Variants in GABRB1 observed in about 807,000 individuals in gnomAD.
GABRB1 encodes gamma-aminobutyric acid receptor subunit beta-1.
A neutral mutation model predicts 51.6 loss-of-function variants in GABRB1; 17 were observed. That is an observed-to-expected ratio of 0.33 (90% confidence interval 0.23 to 0.49). The LOEUF (loss-of-function observed/expected upper bound fraction) is 0.49. GABRB1 is among the 20% of genes least tolerant of loss of function. The pLI, the probability that GABRB1 is intolerant of heterozygous loss-of-function variation, is 0.99. For synonymous variants in GABRB1, 247 were observed against 218.9 expected (o/e 1.13, Z -1.14); for missense variants, 410 against 600.6 (o/e 0.68, Z 3.32).
At chr4:47,311,237 T>TACAACAACA (rs1382390835) in intron 4 of GABRB1, among the ~76,000 whole-genome samples, 65,603 of 142,010 alleles carry the variant, frequency 0.46, 15,931 homozygotes, top group East Asian at 0.82. Flanking sequence ...CTACTAAAAA[T>TACAACAACA]ACAACAACAA....
intron 3 of GABRB1, among the ~76,000 whole-genome samples, chr4:47,059,594 A>G (rs1428227243): frequency 6.6e-6 from 1 of 152,194 alleles, no homozygotes; most frequent in African/African-American, 2.4e-5. Context: ...GTAGTTGTAA[A>G]GATATTTTCT....
chr4:47,418,919 G>A (rs186032606), intron 8 of GABRB1, among the ~76,000 whole-genome samples: 1 of 152,248 alleles, frequency 6.6e-6, no homozygotes, highest in East Asian at 1.9e-4. Flanking sequence ...AATTACTTTA[G>A]ATTTTTCCCT....
chr4:47,088,334 A>G (rs1457180604), intron 3 of GABRB1, among the ~76,000 whole-genome samples: 1 of 152,190 alleles, frequency 6.6e-6, no homozygotes, highest in Non-Finnish European at 1.5e-5. Flanking sequence ...ACTGAGATAC[A>G]AGCATCTGGG....
At chr4:47,374,286 C>T (rs533697142) in intron 5 of GABRB1, among the ~76,000 whole-genome samples, 48 of 152,162 alleles carry the variant, frequency 3.2e-4, no homozygotes, top group African/African-American at 1.1e-3. Context: ...CTACTCAGGA[C>T]GCTGGGGTGC....
intron 4 of GABRB1, among the ~76,000 whole-genome samples, chr4:47,300,248 A>T (rs944569677): frequency 5.3e-5 from 8 of 152,148 alleles, no homozygotes; most frequent in African/African-American, 1.9e-4. Context: ...AATAATAATG[A>T]AATTAAAATT....
intron 3 of GABRB1, among the ~76,000 whole-genome samples, chr4:47,085,891 A>G (rs1728035520): frequency 6.6e-6 from 1 of 152,224 alleles, no homozygotes; most frequent in African/African-American, 2.4e-5. Flanking sequence ...GGGCAAGACC[A>G]GAAGCTGCCA....
intron 1 of GABRB1, among the ~76,000 whole-genome samples, chr4:47,017,822 T>G (rs1724794034): frequency 6.6e-6 from 1 of 152,176 alleles, no homozygotes; most frequent in Admixed American, 6.5e-5. Context: ...ATCCACAGAT[T>G]GTTAAGGAGA....
chr4:47,001,177 C>G (rs897793963), intron 1 of GABRB1, among the ~76,000 whole-genome samples: 77 of 152,278 alleles, frequency 5.1e-4, no homozygotes, highest in African/African-American at 1.8e-3. Flanking sequence ...GAGTCTCGCT[C>G]TGTCGCCCAG....
At chr4:47,349,338 G>A (rs1168429621) in intron 5 of GABRB1, among the ~76,000 whole-genome samples, 1 of 152,000 alleles carries the variant, frequency 6.6e-6, no homozygotes. Context: ...AAGAAAGAAG[G>A]AACAGCCAGA....
At chr4:47,280,768 C>T (rs1723258722) in intron 4 of GABRB1, among the ~76,000 whole-genome samples, 1 of 151,546 alleles carries the variant, frequency 6.6e-6, no homozygotes, top group Non-Finnish European at 1.5e-5. Flanking sequence ...CCACCTCTGC[C>T]TCCAAAGAAG....
intron 3 of GABRB1, among the ~76,000 whole-genome samples, chr4:47,116,695 A>G (rs1715495421): frequency 6.6e-6 from 1 of 152,170 alleles, no homozygotes; most frequent in African/African-American, 2.4e-5. Context: ...TAATTACAAT[A>G]TCTAGTACTT....
chr4:47,347,824 A>C (rs1249055713), intron 5 of GABRB1, among the ~76,000 whole-genome samples: 1 of 152,230 alleles, frequency 6.6e-6, no homozygotes, highest in East Asian at 1.9e-4. Flanking sequence ...AATGACAATG[A>C]AGATGATGTT....
At chr4:47,123,928 ATATAT>A (rs1043955848) in intron 3 of GABRB1, among the ~76,000 whole-genome samples, 46 of 107,984 alleles carry the variant, frequency 4.3e-4, no homozygotes, top group South Asian at 3.1e-3. Context: ...ATGATATATA[ATATAT>A]TATATATATT....
chr4:47,224,300 A>T (rs1720871080), intron 4 of GABRB1, among the ~76,000 whole-genome samples: 1 of 150,212 alleles, frequency 6.7e-6, no homozygotes, highest in African/African-American at 2.4e-5. Flanking sequence ...TGCTTATTAA[A>T]ATATATATAT....
intron 4 of GABRB1, among the ~76,000 whole-genome samples, chr4:47,257,955 C>A (rs1195669352): frequency 6.6e-6 from 1 of 151,744 alleles, no homozygotes; most frequent in East Asian, 1.9e-4. Flanking sequence ...AAAATGAGAC[C>A]AAATGGAGCA....
At chr4:47,175,236 C>T (rs1212647795) in intron 4 of GABRB1, among the ~76,000 whole-genome samples, 1 of 147,406 alleles carries the variant, frequency 6.8e-6, no homozygotes, top group Non-Finnish European at 1.5e-5. Context: ...TTTCTTCTTT[C>T]TAATAGAAAT....
chr4:47,321,758 C>G (rs1238317537), intron 5 of GABRB1, among the ~76,000 whole-genome samples: 1 of 107,850 alleles, frequency 9.3e-6, no homozygotes, highest in African/African-American at 3.8e-5. Context: ...CCCTTGAGCA[C>G]TCTTCCATTG....
intron 5 of GABRB1, among the ~76,000 whole-genome samples, chr4:47,387,992 A>T (rs1023846497): frequency 6.6e-6 from 1 of 152,192 alleles, no homozygotes; most frequent in Non-Finnish European, 1.5e-5. Flanking sequence ...TCGGAAGGAG[A>T]TCTTGGCCGT....
chr4:47,139,751 T>C (rs1368492719), intron 3 of GABRB1, among the ~76,000 whole-genome samples: 1 of 152,000 alleles, frequency 6.6e-6, no homozygotes, highest in Non-Finnish European at 1.5e-5. Context: ...CAAACTTTAA[T>C]GTAAATATGA....
Sources: gnomAD v4.1 joint callset for allele counts (sites outside exome capture counted in the v4.1 genomes callset) on GRCh38, gnomAD v4.1.1 for gene constraint, MANE v1.5 for transcripts, NCBI Gene and HGNC (gene_info 2026-07-23, HGNC 2026-07-21) for gene names.